The following SLC40A1 variants were observed in gnomAD, a reference collection of about 807,000 sequenced individuals.
SLC40A1 encodes ferroportin.
A neutral mutation model predicts 53.5 loss-of-function variants in SLC40A1; 16 were observed. The ratio of observed to expected loss-of-function variants is 0.30; its 90% CI spans 0.20 to 0.45. The LOEUF is 0.45. Ranked by LOEUF, SLC40A1 falls within the 20% of genes least tolerant of loss-of-function variation. The pLI is 1.00. For missense variants in SLC40A1, 545 were observed against 695.4 expected, an observed-to-expected ratio of 0.78 and a Z score of 2.43; for synonymous variants, 247 against 253.2, an observed-to-expected ratio of 0.98 and a Z score of 0.23.
chr2:189,575,477 A>G (rs1411177354), intron 2 of SLC40A1, among the ~76,000 whole-genome samples, 157 bp from the exon 3 acceptor site: 1 of 152,242 alleles, frequency 6.6e-6, no homozygotes, highest in African/African-American at 2.4e-5. Context: ...CTCAGATGTT[A>G]AAACGTTCAT....
intron 5 of SLC40A1, 99 bp from the exon 6 acceptor site, chr2:189,565,698 C>G: frequency 6.6e-7 from 1 of 1,512,164 alleles, no homozygotes; most frequent in Admixed American, 1.7e-5. Context: ...AGTATAGATT[C>G]CTAAAATGTG....
At chr2:189,565,663 A>G in intron 5 of SLC40A1, 64 bp from the exon 6 acceptor site, 1 of 1,600,982 alleles carries the variant, frequency 6.2e-7, no homozygotes, top group Non-Finnish European at 8.6e-7. Flanking sequence ...CTGCCCATTT[A>G]CACAATACAA....
At chr2:189,578,160 G>A (rs1156459423) in intron 2 of SLC40A1, 4 of 951,536 alleles carry the variant, frequency 4.2e-6, no homozygotes, top group Non-Finnish European at 5.0e-6. Flanking sequence ...TAAATGTTTT[G>A]TTGTAACAAA....
At chr2:189,571,647 C>T (rs2031128995) in intron 5 of SLC40A1, 68 bp downstream of exon 5, 1 of 1,580,378 alleles carries the variant, frequency 6.3e-7, no homozygotes, top group Non-Finnish European at 8.6e-7. Flanking sequence ...CTTACAGCCT[C>T]ATTTATCACC....
chr2:189,574,576 A>G (rs1339416424), intron 3 of SLC40A1, among the ~76,000 whole-genome samples: 5 of 152,240 alleles, frequency 3.3e-5, no homozygotes, highest in Non-Finnish European at 5.9e-5. Flanking sequence ...TAATTGATCA[A>G]TTACTTTCTT....
intron 5 of SLC40A1, among the ~76,000 whole-genome samples, chr2:189,568,151 C>T (rs1254142345): frequency 6.7e-6 from 1 of 148,644 alleles, no homozygotes; most frequent in African/African-American, 2.5e-5. Context: ...TATTAAAAAA[C>T]AGCTTTTATT....
intron 4 of SLC40A1, chr2:189,572,532 A>C: frequency 2.5e-6 from 1 of 407,196 alleles, no homozygotes; most frequent in Non-Finnish European, 4.5e-6. Flanking sequence ...AGATATGGAT[A>C]ACATTTATTA....
At chr2:189,562,292 G>C (rs1356496269) in intron 7 of SLC40A1, 101 bp from the exon 8 acceptor site, 2 of 901,816 alleles carry the variant, frequency 2.2e-6, no homozygotes, top group Non-Finnish European at 3.4e-6. Context: ...ATACATTTTA[G>C]CCTGACTGTC....
chr2:189,562,296 GACTGT>G, intron 7 of SLC40A1, 105 bp from the exon 8 acceptor site: 1 of 877,794 alleles, frequency 1.1e-6, no homozygotes, highest in Non-Finnish European at 1.8e-6. Flanking sequence ...ATTTTAGCCT[GACTGT>G]CTTTAAGTCA....
At chr2:189,573,050 C>T in intron 3 of SLC40A1, 89 bp from the exon 4 acceptor site, 1 of 894,968 alleles carries the variant, frequency 1.1e-6, no homozygotes, top group South Asian at 1.4e-5. Context: ...TACTATAATA[C>T]ATTAATACAC....
intron 5 of SLC40A1, among the ~76,000 whole-genome samples, chr2:189,569,584 T>A (rs1026088463): frequency 3.9e-5 from 6 of 152,230 alleles, no homozygotes; most frequent in Non-Finnish European, 8.8e-5. Context: ...GCACAAAAAA[T>A]CCACAATTAG....
At chr2:189,580,346 C>T in intron 1 of SLC40A1, 72 bp downstream of exon 1, 2 of 1,441,264 alleles carry the variant, frequency 1.4e-6, no homozygotes, top group Non-Finnish European at 2.0e-6. Context: ...TCCTCCAGAA[C>T]TCGTGTAGAG....
chr2:189,571,190 T>C (rs576477691), intron 5 of SLC40A1, among the ~76,000 whole-genome samples: 1 of 152,324 alleles, frequency 6.6e-6, no homozygotes, highest in African/African-American at 2.4e-5. Flanking sequence ...CTGTCCTCTA[T>C]TTCTTTGGTA....
At chr2:189,577,352 G>A (rs571449140) in intron 2 of SLC40A1, among the ~76,000 whole-genome samples, 5 of 152,322 alleles carry the variant, frequency 3.3e-5, no homozygotes, top group East Asian at 3.9e-4. Context: ...CACAGGGCAC[G>A]TGCTGCTATG....
In SLC40A1 at chr2:189,561,452, ATAAC is replaced by A. The variant is rs574640023; in HGVS notation, c.*422_*425del. 345 of 165,620 alleles carry A rather than the reference ATAAC, an allele frequency of 2.1e-3. 1 individual carries two copies. The highest frequency in any genetic ancestry group is 7.8e-3 in the African/African-American group (325 of 41,698). 10.3% of individuals were successfully genotyped at this position (165,620 alleles called of 1,614,324 possible). A position where few individuals can be genotyped will look rare whatever the true frequency, so the allele number is the denominator to read the frequency against. ...ATACTTGAAGAATTTGTTTTTAAAA[ATAAC>A]TAAGATGCAAAAAAATAAATTAGCT... On this transcript the variant is annotated 3_prime_UTR_variant, in exon 8 of 8. Coordinates refer to ENST00000261024, the MANE Select transcript of SLC40A1 (RefSeq NM_014585.6).
Position 189,571,790 on chromosome 2 carries a change from T to C in SLC40A1, c.439A>G (p.Ser147Gly). 6.2e-7 allele frequency: 1 copy of C among 1,613,514 alleles called. No homozygotes were observed. The highest frequency in any genetic ancestry group is 8.5e-7 in the Non-Finnish European group (1 of 1,179,556). The change falls in exon 5 of 8, where the codon AGT (serine) becomes GGT (glycine). Residue 147 changes from serine (S) to glycine (G), a missense_variant. Coordinates refer to ENST00000261024, the MANE Select transcript of SLC40A1 (RefSeq NM_014585.6). Reference protein sequence around the residue: ...ITIANIANLASTATAITIQRD... With the variant: ...ITIANIANLAGTATAITIQRD... ...TGGATTGTGATTGCAGTAGCAGTAC[T>C]GGCCAAATTTGCAATATTTGCAATA...
At chr2:189,571,349 C>A (rs1375574205) in intron 5 of SLC40A1, among the ~76,000 whole-genome samples, 1 of 151,590 alleles carries the variant, frequency 6.6e-6, no homozygotes, top group Admixed American at 6.6e-5. Flanking sequence ...TTGATAAGCA[C>A]CAGTAATAAC....
intron 4 of SLC40A1, among the ~76,000 whole-genome samples, chr2:189,572,232 A>G (rs114730850): frequency 0.015 from 2,240 of 152,294 alleles, 52 homozygotes; most frequent in African/African-American, 0.051. Flanking sequence ...GTTGCATGAC[A>G]ATGGGCAATC....
intron 2 of SLC40A1, chr2:189,578,108 T>C: frequency 3.0e-6 from 2 of 656,484 alleles, no homozygotes; most frequent in Non-Finnish European, 3.8e-6. Flanking sequence ...GGAAAATGCA[T>C]ATATATATAA....
Sources: allele counts gnomAD v4.1 joint callset (sites outside exome capture counted in the v4.1 genomes callset), GRCh38; gene constraint gnomAD v4.1.1; transcripts MANE v1.5; gene names NCBI Gene and HGNC (gene_info 2026-07-23, HGNC 2026-07-21).